The following NCKAP5 variants were observed in gnomAD, a reference collection of about 807,000 sequenced individuals.
NCKAP5 encodes the protein NCK associated protein 5, also known as nck-associated protein 5.
NCKAP5 carries 92 observed loss-of-function variants against 167.0 expected under a neutral mutation model. The ratio of observed to expected loss-of-function variants is 0.55; its 90% CI spans 0.47 to 0.66. The LOEUF is 0.66. Among genes scored for constraint, NCKAP5 ranks in the 30% least tolerant of loss-of-function variants. The probability of loss-of-function intolerance (pLI) is 0.00; values close to 1 mark genes in which losing one functional copy is unlikely to be tolerated. For synonymous variants in NCKAP5, 891 were observed against 877.4 expected, an observed-to-expected ratio of 1.02 and a Z score of -0.27; for missense variants, 2,378 against 2,315.0, an observed-to-expected ratio of 1.03 and a Z score of -0.56.
intron 19 of NCKAP5, among the ~76,000 whole-genome samples, chr2:132,687,020 C>T (rs1390249249): frequency 6.6e-6 from 1 of 152,090 alleles, no homozygotes; most frequent in Non-Finnish European, 1.5e-5. Flanking sequence ...CAGACTATGT[C>T]GGTGAGGTGT....
intron 3 of NCKAP5, among the ~76,000 whole-genome samples, chr2:133,340,081 C>A (rs1294725697): frequency 6.6e-6 from 1 of 152,102 alleles, no homozygotes; most frequent in Non-Finnish European, 1.5e-5. Flanking sequence ...CCCTGGCCAG[C>A]AAATTATTAT....
intron 5 of NCKAP5, among the ~76,000 whole-genome samples, chr2:133,144,971 A>G (rs1019152871): frequency 1.3e-5 from 2 of 152,118 alleles, no homozygotes; most frequent in Admixed American, 6.6e-5. Context: ...ACTGGTCATA[A>G]TATACATACA....
chr2:132,907,082 C>T (rs989553431), intron 8 of NCKAP5, among the ~76,000 whole-genome samples: 2 of 152,140 alleles, frequency 1.3e-5, no homozygotes, highest in African/African-American at 4.8e-5. Context: ...AGAGCAGAAA[C>T]ATAGGGAATT....
intron 3 of NCKAP5, among the ~76,000 whole-genome samples, chr2:133,426,644 C>G (rs1689826809): frequency 6.6e-6 from 1 of 152,114 alleles, no homozygotes; most frequent in Admixed American, 6.5e-5. Flanking sequence ...TGTGACCAAG[C>G]AGGATTTATC....
the NCKAP5 span, among the ~76,000 whole-genome samples, chr2:133,578,729 T>TCAATACGCA: frequency 6.6e-6 from 1 of 152,232 alleles, no homozygotes; most frequent in African/African-American, 2.4e-5. Context: ...TATACAGCAA[T>TCAATACGCA]GTCCTTATTC....
intron 6 of NCKAP5, among the ~76,000 whole-genome samples, chr2:133,002,455 G>A (rs541713491): frequency 1.2e-4 from 19 of 152,166 alleles, no homozygotes; most frequent in South Asian, 1.2e-3. Context: ...CTTATTGTAC[G>A]GTCCTCACCA....
chr2:133,207,913 T>C (rs1425038202), intron 5 of NCKAP5, among the ~76,000 whole-genome samples: 1 of 152,188 alleles, frequency 6.6e-6, no homozygotes, highest in African/African-American at 2.4e-5. Flanking sequence ...TGTCCATAAG[T>C]ATGCGCTACA....
intron 3 of NCKAP5, among the ~76,000 whole-genome samples, chr2:133,427,347 G>A (rs887455752): frequency 2.0e-5 from 3 of 152,050 alleles, no homozygotes; most frequent in Non-Finnish European, 4.4e-5. Context: ...AATACAAGAA[G>A]TATGAGACAG....
chr2:132,962,047 G>T (rs1402668401), intron 8 of NCKAP5, among the ~76,000 whole-genome samples: 1 of 152,172 alleles, frequency 6.6e-6, no homozygotes, highest in Non-Finnish European at 1.5e-5. Flanking sequence ...TTTGCCCAGA[G>T]GGAGTTGCTA....
intron 4 of NCKAP5, among the ~76,000 whole-genome samples, chr2:133,298,274 T>C (rs1338557638): frequency 6.6e-6 from 1 of 152,158 alleles, no homozygotes; most frequent in Non-Finnish European, 1.5e-5. Context: ...ATACCACCCA[T>C]TTCCATCTTC....
chr2:132,820,354 C>T (rs199513922), intron 11 of NCKAP5, among the ~76,000 whole-genome samples: 28 of 151,468 alleles, frequency 1.8e-4, no homozygotes, highest in East Asian at 9.7e-4. Flanking sequence ...CTCAGCCACC[C>T]GAGTAGCTGG....
chr2:133,313,206 G>A (rs1681370103), intron 3 of NCKAP5, among the ~76,000 whole-genome samples: 1 of 152,072 alleles, frequency 6.6e-6, no homozygotes, highest in Non-Finnish European at 1.5e-5. Flanking sequence ...GTGTGTGCTG[G>A]GGGGAATCTG....
chr2:133,462,745 T>C (rs1397989317), intron 3 of NCKAP5, among the ~76,000 whole-genome samples: 1 of 152,194 alleles, frequency 6.6e-6, no homozygotes, highest in Non-Finnish European at 1.5e-5. Context: ...ATAAGGAACT[T>C]TGCAAATTCT....
intron 6 of NCKAP5, among the ~76,000 whole-genome samples, chr2:133,082,130 T>C (rs1170227028): frequency 6.6e-6 from 1 of 152,124 alleles, no homozygotes; most frequent in African/African-American, 2.4e-5. Flanking sequence ...AGTGAGAGCA[T>C]GTGGTGTTTG....
At chr2:133,642,797 T>C in the NCKAP5 span, among the ~76,000 whole-genome samples, 1 of 152,302 alleles carries the variant, frequency 6.6e-6, no homozygotes, top group South Asian at 2.1e-4. Flanking sequence ...TAGCAGTTGG[T>C]TCAATCATTT....
intron 3 of NCKAP5, among the ~76,000 whole-genome samples, chr2:133,355,701 C>T (rs1292159150): frequency 6.6e-6 from 1 of 152,080 alleles, no homozygotes; most frequent in Non-Finnish European, 1.5e-5. Context: ...TTCTCAGATA[C>T]TCTAGCGCAA....
At chr2:132,734,007 A>C (rs1282676483) in intron 16 of NCKAP5, among the ~76,000 whole-genome samples, 1 of 152,188 alleles carries the variant, frequency 6.6e-6, no homozygotes, top group Non-Finnish European at 1.5e-5. Context: ...ATGTTTGGTC[A>C]TGGACTCCAG....
chr2:132,973,539 A>C (rs2076894141), intron 7 of NCKAP5, among the ~76,000 whole-genome samples: 1 of 152,210 alleles, frequency 6.6e-6, no homozygotes, highest in South Asian at 2.1e-4. Flanking sequence ...TTAAATTTAT[A>C]CAACTTTGAT....
At chr2:133,473,055 C>A (rs576258358) in intron 3 of NCKAP5, among the ~76,000 whole-genome samples, 1 of 152,062 alleles carries the variant, frequency 6.6e-6, no homozygotes, top group Admixed American at 6.6e-5. Flanking sequence ...TAGTTAGGGC[C>A]GGGCGCGATG....
Sources: allele counts gnomAD v4.1 joint callset (sites outside exome capture counted in the v4.1 genomes callset), GRCh38; gene constraint gnomAD v4.1.1; transcripts MANE v1.5; gene names NCBI Gene and HGNC (gene_info 2026-07-23, HGNC 2026-07-21).